Variants in ACTR3C observed in about 807,000 individuals in gnomAD.
The protein encoded by ACTR3C is actin related protein 3C.
A neutral mutation model predicts 26.3 loss-of-function variants in ACTR3C; 18 were observed. The ratio of observed to expected loss-of-function variants is 0.68; its 90% CI spans 0.47 to 1.01. The LOEUF is 1.01. ACTR3C is among the 50% of genes least tolerant of loss of function. The pLI is 0.00. For missense variants in ACTR3C, 184 were observed against 250.7 expected (o/e 0.73, Z 1.80); for synonymous variants, 55 against 94.5 (o/e 0.58, Z 2.42).
chr7:150,195,457 T>C, the ACTR3C span, among the ~76,000 whole-genome samples: 12 of 152,300 alleles, frequency 7.9e-5, no homozygotes, highest in African/African-American at 2.9e-4. Context: ...GCTATGTAGG[T>C]CTATTGGCAA....
chr7:150,042,815 A>T, the ACTR3C span, among the ~76,000 whole-genome samples: 2 of 151,354 alleles, frequency 1.3e-5, no homozygotes, highest in African/African-American at 4.9e-5. Context: ...AGGGCCCCAC[A>T]GTTTGGGTTA....
At chr7:150,230,097 T>G in the ACTR3C span, among the ~76,000 whole-genome samples, 2 of 150,732 alleles carry the variant, frequency 1.3e-5, no homozygotes, top group Admixed American at 1.3e-4. Context: ...TGATGATGGG[T>G]GCCTATAATC....
At chr7:150,078,895 A>G in the ACTR3C span, among the ~76,000 whole-genome samples, 2 of 152,338 alleles carry the variant, frequency 1.3e-5, no homozygotes, top group African/African-American at 4.8e-5. Context: ...GAATGCACAC[A>G]GCACTTCACA....
chr7:150,121,939 T>A, the ACTR3C span, among the ~76,000 whole-genome samples: 1 of 152,030 alleles, frequency 6.6e-6, no homozygotes, highest in Non-Finnish European at 1.5e-5. Context: ...ACTACAACCA[T>A]CTGATCTTTG....
chr7:150,001,406 T>C, the ACTR3C span: 2 of 152,310 alleles, frequency 1.3e-5, no homozygotes, highest in Admixed American at 6.5e-5. Flanking sequence ...ATTTAGACTT[T>C]GCCGTTCCTC....
At chr7:150,174,040 GTCT>G in the ACTR3C span, among the ~76,000 whole-genome samples, 1 of 140,232 alleles carries the variant, frequency 7.1e-6, no homozygotes, top group Non-Finnish European at 1.5e-5. Context: ...ACATTTTCCT[GTCT>G]TCTTCTGAGC....
the ACTR3C span, among the ~76,000 whole-genome samples, chr7:149,922,587 C>G: frequency 3.3e-5 from 5 of 151,986 alleles, no homozygotes; most frequent in Non-Finnish European, 7.4e-5. Context: ...TCTCAGTATC[C>G]TCCTGCAAAT....
At chr7:150,207,478 C>A in the ACTR3C span, among the ~76,000 whole-genome samples, 1 of 152,116 alleles carries the variant, frequency 6.6e-6, no homozygotes, top group African/African-American at 2.4e-5. Context: ...GAAGGAAGCA[C>A]GGATCGATGC....
At chr7:149,966,024 A>G in the ACTR3C span, among the ~76,000 whole-genome samples, 4 of 152,140 alleles carry the variant, frequency 2.6e-5, no homozygotes, top group Non-Finnish European at 1.5e-5. Context: ...GCAAAAACTT[A>G]TTTCTCTATG....
At chr7:149,975,248 A>G in the ACTR3C span, among the ~76,000 whole-genome samples, 1 of 152,200 alleles carries the variant, frequency 6.6e-6, no homozygotes, top group Non-Finnish European at 1.5e-5. Context: ...CAGATGGAAA[A>G]CTGGAAAATA....
At chr7:150,211,078 A>G in the ACTR3C span, among the ~76,000 whole-genome samples, 1 of 149,798 alleles carries the variant, frequency 6.7e-6, no homozygotes, top group Non-Finnish European at 1.5e-5. Flanking sequence ...ACACCAATTA[A>G]GAGTCCCTGA....
chr7:150,228,182 C>T, the ACTR3C span, among the ~76,000 whole-genome samples: 75 of 152,106 alleles, frequency 4.9e-4, no homozygotes, highest in Admixed American at 4.3e-3. Flanking sequence ...ATTTCTTTCA[C>T]CTGAGTTTTA....
At chr7:150,188,089 C>G in the ACTR3C span, among the ~76,000 whole-genome samples, 3 of 151,024 alleles carry the variant, frequency 2.0e-5, no homozygotes, top group African/African-American at 7.3e-5. Context: ...CAGTTCTGAA[C>G]TCCACCACTT....
the ACTR3C span, among the ~76,000 whole-genome samples, chr7:149,913,525 T>C: frequency 2.0e-5 from 3 of 151,954 alleles, no homozygotes; most frequent in African/African-American, 7.3e-5. Flanking sequence ...AAGTTTAAGA[T>C]CTGGGTAGGC....
At chr7:150,070,001 G>A in the ACTR3C span, among the ~76,000 whole-genome samples, 3 of 152,158 alleles carry the variant, frequency 2.0e-5, no homozygotes, top group Non-Finnish European at 2.9e-5. Context: ...GGGGAAGCTG[G>A]GAAAGGAACA....
chr7:149,908,488 A>G, the ACTR3C span, among the ~76,000 whole-genome samples: 3 of 152,186 alleles, frequency 2.0e-5, no homozygotes, highest in Admixed American at 6.5e-5. Flanking sequence ...TCCGCTTTCT[A>G]GTGATGTGAA....
At chr7:149,986,923 C>G in the ACTR3C span, among the ~76,000 whole-genome samples, 3 of 139,570 alleles carry the variant, frequency 2.1e-5, no homozygotes, top group South Asian at 7.7e-4. Context: ...GTTGCTCCCC[C>G]ACCCTGCACC....
At chr7:150,053,411 C>G in the ACTR3C span, among the ~76,000 whole-genome samples, 1 of 152,204 alleles carries the variant, frequency 6.6e-6, no homozygotes, top group African/African-American at 2.4e-5. Flanking sequence ...CACTTCAGTG[C>G]TTTAATTTTG....
the ACTR3C span, among the ~76,000 whole-genome samples, chr7:150,162,729 C>G: frequency 6.6e-6 from 1 of 152,198 alleles, no homozygotes; most frequent in African/African-American, 2.4e-5. Context: ...GCAATGGCAA[C>G]AATATCATCA....
Sources: allele counts gnomAD v4.1 joint callset (sites outside exome capture counted in the v4.1 genomes callset), GRCh38; gene constraint gnomAD v4.1.1; transcripts MANE v1.5; gene names NCBI Gene and HGNC (gene_info 2026-07-23, HGNC 2026-07-21).